The following ENTREP2 variants were observed in gnomAD, a reference collection of about 807,000 sequenced individuals.
ENTREP2 encodes endosomal transmembrane epsin interactor 2.
the ENTREP2 span, among the ~76,000 whole-genome samples, chr15:29,239,136 GA>G: frequency 6.6e-6 from 1 of 152,154 alleles, no homozygotes; most frequent in East Asian, 1.9e-4. Context: ...CACATGAAGG[GA>G]GGAAACCATA....
the ENTREP2 span, among the ~76,000 whole-genome samples, chr15:29,596,792 C>T: frequency 6.6e-6 from 1 of 152,026 alleles, no homozygotes; most frequent in Non-Finnish European, 1.5e-5. Context: ...CCTCAGCTTC[C>T]CGAGTAGCTG....
At chr15:29,571,901 C>T in the ENTREP2 span, among the ~76,000 whole-genome samples, 2 of 152,038 alleles carry the variant, frequency 1.3e-5, no homozygotes, top group African/African-American at 4.8e-5. Context: ...AGGGACCAGA[C>T]GTGAAAAGGC....
At chr15:29,465,647 C>T in the ENTREP2 span, among the ~76,000 whole-genome samples, 3 of 152,162 alleles carry the variant, frequency 2.0e-5, no homozygotes, top group African/African-American at 4.8e-5. Flanking sequence ...CTTTGATTCT[C>T]AAATTGTATG....
the ENTREP2 span, among the ~76,000 whole-genome samples, chr15:29,546,492 G>A: frequency 1.5e-3 from 225 of 152,276 alleles, no homozygotes; most frequent in Non-Finnish European, 2.6e-3. Flanking sequence ...GAGAAGAGGA[G>A]CCAGATGTCA....
chr15:29,516,466 A>G, the ENTREP2 span, among the ~76,000 whole-genome samples: 1 of 152,194 alleles, frequency 6.6e-6, no homozygotes, highest in Non-Finnish European at 1.5e-5. Flanking sequence ...TATCATGTCT[A>G]TGAACTTTGA....
At chr15:29,219,999 C>T in the ENTREP2 span, among the ~76,000 whole-genome samples, 1 of 151,442 alleles carries the variant, frequency 6.6e-6, no homozygotes, top group South Asian at 2.1e-4. Flanking sequence ...ACCTGTTCGC[C>T]AATAACTTAT....
the ENTREP2 span, among the ~76,000 whole-genome samples, chr15:29,358,736 T>C: frequency 6.6e-6 from 1 of 152,010 alleles, no homozygotes; most frequent in African/African-American, 2.4e-5. Flanking sequence ...CAACGTGGTA[T>C]TTATCAGAAA....
At chr15:29,498,092 T>C in the ENTREP2 span, among the ~76,000 whole-genome samples, 29 of 152,104 alleles carry the variant, frequency 1.9e-4, no homozygotes, top group Non-Finnish European at 2.9e-4. Context: ...AGTGACTGAG[T>C]TCTCATGACA....
the ENTREP2 span, among the ~76,000 whole-genome samples, chr15:29,499,381 A>C: frequency 6.6e-6 from 1 of 152,050 alleles, no homozygotes; most frequent in Non-Finnish European, 1.5e-5. Context: ...TTAAGCTGAT[A>C]AAAACTTGTT....
the ENTREP2 span, among the ~76,000 whole-genome samples, chr15:29,478,004 TATA>T: frequency 4.0e-5 from 3 of 75,218 alleles, no homozygotes; most frequent in Non-Finnish European, 4.9e-5. Flanking sequence ...TATATATATA[TATA>T]TATATATATA....
chr15:29,305,440 T>A, the ENTREP2 span, among the ~76,000 whole-genome samples: 1 of 152,214 alleles, frequency 6.6e-6, no homozygotes, highest in South Asian at 2.1e-4. Context: ...GGAGAGTATT[T>A]CAGCTGCCTT....
the ENTREP2 span, among the ~76,000 whole-genome samples, chr15:29,160,028 G>T: frequency 6.6e-6 from 1 of 152,232 alleles, no homozygotes; most frequent in East Asian, 1.9e-4. Flanking sequence ...GACGGGGGAG[G>T]CTCAGGCATG....
At chr15:29,669,835 G>A in the ENTREP2 span, among the ~76,000 whole-genome samples, 1 of 151,978 alleles carries the variant, frequency 6.6e-6, no homozygotes, top group Non-Finnish European at 1.5e-5. Context: ...ATGTCATCCC[G>A]GTCCCTATTA....
chr15:29,327,772 C>T, the ENTREP2 span, among the ~76,000 whole-genome samples: 2 of 152,076 alleles, frequency 1.3e-5, no homozygotes, highest in African/African-American at 2.4e-5. Context: ...CAAAAATGGA[C>T]AGTATTTGTT....
At chr15:29,294,732 G>A in the ENTREP2 span, among the ~76,000 whole-genome samples, 2 of 152,200 alleles carry the variant, frequency 1.3e-5, no homozygotes, top group South Asian at 2.1e-4. Context: ...CAGCAACGTG[G>A]TTGACAGAAA....
chr15:29,434,108 G>A, the ENTREP2 span, among the ~76,000 whole-genome samples: 1 of 152,192 alleles, frequency 6.6e-6, no homozygotes, highest in South Asian at 2.1e-4. Context: ...CGACTGTGTG[G>A]TTACCGTGGC....
the ENTREP2 span, among the ~76,000 whole-genome samples, chr15:29,524,946 C>A: frequency 6.6e-6 from 1 of 152,230 alleles, no homozygotes; most frequent in Non-Finnish European, 1.5e-5. Flanking sequence ...GTCCCTCCCC[C>A]TGTGCTCTCA....
chr15:29,328,261 A>C, the ENTREP2 span, among the ~76,000 whole-genome samples: 3 of 152,210 alleles, frequency 2.0e-5, no homozygotes, highest in Admixed American at 1.3e-4. Context: ...AAGATCAGTA[A>C]GAGTTCAGGG....
chr15:29,662,577 C>A, the ENTREP2 span, among the ~76,000 whole-genome samples: 1 of 152,160 alleles, frequency 6.6e-6, no homozygotes, highest in African/African-American at 2.4e-5. Context: ...ACAGAAGACT[C>A]CCTCTTCTTC....
Sources: allele counts gnomAD v4.1 joint callset (sites outside exome capture counted in the v4.1 genomes callset), GRCh38; gene constraint gnomAD v4.1.1; transcripts MANE v1.5; gene names NCBI Gene and HGNC (gene_info 2026-07-23, HGNC 2026-07-21).